The following KIRREL3 variants were observed in gnomAD, a reference collection of about 807,000 sequenced individuals.
KIRREL3 encodes the protein kin of IRRE-like protein 3.
A neutral mutation model predicts 89.7 loss-of-function variants in KIRREL3; 36 were observed. The observed-to-expected ratio is 0.40, with a 90% confidence interval of 0.31 to 0.53. The LOEUF (loss-of-function observed/expected upper bound fraction) is 0.53. KIRREL3 is among the 20% of genes least tolerant of loss of function. The pLI, the probability that KIRREL3 is intolerant of heterozygous loss-of-function variation, is 0.49. For missense variants in KIRREL3, 864 were observed against 1,056.6 expected (o/e 0.82, Z 2.53); for synonymous variants, 445 against 441.4 (o/e 1.01, Z -0.10).
intron 1 of KIRREL3, among the ~76,000 whole-genome samples, chr11:126,702,682 G>A (rs141192155): frequency 4.6e-5 from 7 of 152,326 alleles, no homozygotes; most frequent in African/African-American, 1.2e-4. Flanking sequence ...TCCCTGCCTC[G>A]TCCCACCCTG....
Position 126,647,794 on chromosome 11 carries a change from G to A in KIRREL3, c.56-84882C>T, listed in dbSNP as rs1944749689. On this transcript the variant is annotated intron_variant, in intron 1 of 16. Coordinates refer to ENST00000525144, the MANE Select transcript of KIRREL3 (RefSeq NM_032531.4). This position sits in a 1 kb window ranked among gnomAD's most constrained non-coding sequence, Gnocchi z 4.9. ...AGTGCTTTTAAAAACCTAAGTCAGA[G>A]GGAGCCGTTCCTTTGTTCAGAACGG... is the stretch of plus-strand genomic sequence containing the variant. Among the ~76,000 whole-genome samples the A allele has an allele frequency of 6.6e-6, 1 of 152,174 alleles. No homozygotes were observed. Among genetic ancestry groups the A allele is most frequent in the African/African-American group, 2.4e-5 (1 of 41,446 alleles).
At chr11:126,842,498 T>C (rs1441394560) in intron 1 of KIRREL3, among the ~76,000 whole-genome samples, 1 of 152,210 alleles carries the variant, frequency 6.6e-6, no homozygotes, top group Admixed American at 6.5e-5. Flanking sequence ...CATGACCATA[T>C]TGGGGTTCAT....
chr11:126,578,163 C>A lies in KIRREL3; in HGVS notation c.56-15251G>T, dbSNP rs1941355129. ...CAGAATGAGACTAATCCCTCTTCCA[C>A]CCAACTACTGAGAAGTTTAACAGAC... On this transcript the variant is annotated intron_variant, in intron 1 of 16. Coordinates refer to ENST00000525144, the MANE Select transcript of KIRREL3 (RefSeq NM_032531.4). This position sits in a 1 kb window ranked among gnomAD's most constrained non-coding sequence, Gnocchi z 4.9. Among the ~76,000 whole-genome samples the A allele has an allele frequency of 6.6e-6, 1 of 152,218 alleles. No homozygotes were observed. The highest frequency in any genetic ancestry group is 2.1e-4 in the South Asian group (1 of 4,826).
chr11:126,522,888 A>G lies in KIRREL3; in HGVS notation c.284-1424T>C, dbSNP rs1958640610. On this transcript the variant is annotated intron_variant, in intron 3 of 16. Coordinates refer to ENST00000525144, the MANE Select transcript of KIRREL3 (RefSeq NM_032531.4). This position sits in a 1 kb window ranked among gnomAD's most constrained non-coding sequence, Gnocchi z 6.0. Reference sequence around the variant, plus strand: ...CTCCTCCTTTTGAAGGACCCTCACCACACAGGGAGTGTTCTCAGACGGGTG... The same window carrying G: ...CTCCTCCTTTTGAAGGACCCTCACCGCACAGGGAGTGTTCTCAGACGGGTG... Among the ~76,000 whole-genome samples, 1 of 152,122 alleles carries G rather than the reference A, an allele frequency of 6.6e-6. No individual in the cohort carries two copies. Among genetic ancestry groups the G allele is most frequent in the Non-Finnish European group, 1.5e-5 (1 of 68,016 alleles).
chr11:126,751,071 T>A (rs1335395177), intron 1 of KIRREL3, among the ~76,000 whole-genome samples: 3 of 152,248 alleles, frequency 2.0e-5, no homozygotes, highest in East Asian at 3.8e-4. Flanking sequence ...TTTTATCTTA[T>A]GTCAATGCTG....
In KIRREL3 at chr11:126,647,193, C is replaced by T. The variant is rs963967885; in HGVS notation, c.56-84281G>A. 1.3e-5 allele frequency among the ~76,000 whole-genome samples: 2 copies of T among 152,196 alleles called. No individual in the cohort carries two copies. Among genetic ancestry groups the T allele is most frequent in the Admixed American group, 6.5e-5 (1 of 15,284 alleles). ...TTTCACAATATTTAGGGAGCCCAGG[C>T]TCACCCCTGCTACTCTGCCAGGAGC... On this transcript the variant is annotated intron_variant, in intron 1 of 16. Transcript: ENST00000525144. The surrounding 1 kb of genome is among the most constrained non-coding windows in gnomAD (Gnocchi z 4.9).
In KIRREL3 at chr11:126,763,109, G is replaced by A. The variant is rs533410400; in HGVS notation, c.56-200197C>T. Among the ~76,000 whole-genome samples, 17 of 152,236 alleles carry A rather than the reference G, an allele frequency of 1.1e-4. No individual in the cohort carries two copies. Among genetic ancestry groups the A allele is most frequent in the Admixed American group, 5.2e-4 (8 of 15,292 alleles). ...AACTTCCAAACACATTCCTATCCTC[G>A]TCTGGCATTGAGAGAAGAGTGCAGG... On this transcript the variant is annotated intron_variant, in intron 1 of 16. Transcript: ENST00000525144. The surrounding 1 kb of genome is among the most constrained non-coding windows in gnomAD (Gnocchi z 4.7).
At chr11:126,435,889 G>T (rs1338095654) in intron 12 of KIRREL3, among the ~76,000 whole-genome samples, 1 of 151,888 alleles carries the variant, frequency 6.6e-6, no homozygotes, top group South Asian at 2.1e-4. Context: ...CTGGGCCTCA[G>T]AGGCCCAGGC....
upstream of KIRREL3, among the ~76,000 whole-genome samples, chr11:127,001,685 A>G (rs577105097): frequency 1.3e-5 from 2 of 152,270 alleles, no homozygotes; most frequent in East Asian, 3.9e-4. Context: ...CCTCCAGGAT[A>G]TCAACATGAA....
At chr11:126,822,800 C>T (rs991814961) in intron 1 of KIRREL3, among the ~76,000 whole-genome samples, 3 of 152,176 alleles carry the variant, frequency 2.0e-5, no homozygotes, top group Non-Finnish European at 4.4e-5. Flanking sequence ...GTTGTTCTCT[C>T]TCCACGGCCT....
chr11:126,462,216 G>A lies in KIRREL3; in HGVS notation c.742+941C>T, dbSNP rs1307489430. ...CATGAATCCTAACACGGGCCACCGA[G>A]GGCTGGCTGGGCAGGAGTGTGGAGA... On this transcript the variant is annotated intron_variant, in intron 6 of 16. Coordinates refer to ENST00000525144, the MANE Select transcript of KIRREL3 (RefSeq NM_032531.4). The surrounding 1 kb of genome is among the most constrained non-coding windows in gnomAD (Gnocchi z 4.8). Among the ~76,000 whole-genome samples the A allele has an allele frequency of 6.6e-6, 1 of 152,158 alleles. No individual in the cohort carries two copies. Among genetic ancestry groups the A allele is most frequent in the African/African-American group, 2.4e-5 (1 of 41,426 alleles).
chr11:126,686,514 C>T lies in KIRREL3; in HGVS notation c.56-123602G>A, dbSNP rs1027822149. Among the ~76,000 whole-genome samples, 3 of 141,268 alleles carry T rather than the reference C, an allele frequency of 2.1e-5. No homozygotes were observed. Among genetic ancestry groups the T allele is most frequent in the Non-Finnish European group, 3.1e-5 (2 of 64,200 alleles). The allele number at this position is 141,268 out of a possible 152,430, so 92.7% of individuals were successfully genotyped here. ...GATAGGGTCAGTGCTGGCCACTGAG[C>T]GGGGAGGGTGGGGAGGGACTGTGCG... On this transcript the variant is annotated intron_variant, in intron 1 of 16. Coordinates refer to ENST00000525144, the MANE Select transcript of KIRREL3 (RefSeq NM_032531.4). The surrounding 1 kb of genome is among the most constrained non-coding windows in gnomAD (Gnocchi z 4.7).
At position 126,898,110 on chromosome 11, in the gene KIRREL3, G is replaced by A. The variant is rs1444173354; in HGVS notation, c.55+102345C>T. Among the ~76,000 whole-genome samples the A allele has an allele frequency of 6.6e-6, 1 of 152,152 alleles. No individual in the cohort carries two copies. The highest frequency in any genetic ancestry group is 1.5e-5 in the Non-Finnish European group (1 of 68,022). On this transcript the variant is annotated intron_variant, in intron 1 of 16. Transcript: ENST00000525144. This position sits in a 1 kb window ranked among gnomAD's most constrained non-coding sequence, Gnocchi z 4.9. ...AACATTTTATTTCAGGCATTCCCAG[G>A]TGGTGTTTGCCCTGGTTCCAGTCTC... is the stretch of plus-strand genomic sequence containing the variant.
At chr11:126,512,794 A>G (rs1235705432) in intron 4 of KIRREL3, among the ~76,000 whole-genome samples, 1 of 152,234 alleles carries the variant, frequency 6.6e-6, no homozygotes, top group Admixed American at 6.5e-5. Context: ...GGAAGGGAAG[A>G]GGAACTCAGG....
At position 126,887,370 on chromosome 11, in the gene KIRREL3, A is replaced by G. The variant is rs560035837; in HGVS notation, c.55+113085T>C. 1.4e-4 allele frequency among the ~76,000 whole-genome samples: 21 copies of G among 152,280 alleles called. 1 individual carries two copies. The highest frequency in any genetic ancestry group is 4.6e-4 in the African/African-American group (19 of 41,562). ...GGAGATGCTTTGGGGACTGGAGGCT[A>G]AGAAGCAAGAAGCATTACTGATTAT... On this transcript the variant is annotated intron_variant, in intron 1 of 16. Transcript: ENST00000525144.
intron 1 of KIRREL3, among the ~76,000 whole-genome samples, chr11:126,859,722 G>T (rs1944647189): frequency 2.0e-5 from 3 of 152,176 alleles, no homozygotes; most frequent in Admixed American, 2.0e-4. Context: ...TTCTCCCCAA[G>T]GTTTCTTCCT....
In KIRREL3 at chr11:126,981,141, C is replaced by T. The variant is rs929520744; in HGVS notation, c.55+19314G>A. Among the ~76,000 whole-genome samples, 4 of 152,214 alleles carry T rather than the reference C, an allele frequency of 2.6e-5. No homozygotes were observed. The highest frequency in any genetic ancestry group is 4.4e-5 in the Non-Finnish European group (3 of 68,044). On this transcript the variant is annotated intron_variant, in intron 1 of 16. Transcript: ENST00000525144. The surrounding 1 kb of genome is among the most constrained non-coding windows in gnomAD (Gnocchi z 4.2). Reference sequence around the variant, plus strand: ...AGTTCTAGATATTTGAAGCCTAATACCACAAACGTACCTCTCTGGACAAAC... The same window carrying T: ...AGTTCTAGATATTTGAAGCCTAATATCACAAACGTACCTCTCTGGACAAAC...
intron 1 of KIRREL3, among the ~76,000 whole-genome samples, chr11:126,916,956 G>T (rs1039264664): frequency 1.3e-5 from 2 of 152,156 alleles, no homozygotes; most frequent in Admixed American, 6.5e-5. Flanking sequence ...CTGTTTCTGC[G>T]GGGACAGTTG....
intron 1 of KIRREL3, among the ~76,000 whole-genome samples, chr11:126,962,969 T>C (rs994827325): frequency 6.6e-6 from 1 of 152,200 alleles, no homozygotes; most frequent in African/African-American, 2.4e-5. Flanking sequence ...TTTTTAGACA[T>C]AATACTATTA....
Sources: allele counts gnomAD v4.1 joint callset (sites outside exome capture counted in the v4.1 genomes callset), GRCh38; gene constraint gnomAD v4.1.1; non-coding constraint Gnocchi (gnomAD v3.1); transcripts MANE v1.5; gene names NCBI Gene and HGNC (gene_info 2026-07-23, HGNC 2026-07-21).